HSD17B2: variants seen among roughly 807,000 people sequenced by gnomAD.
The protein encoded by HSD17B2 is 17-beta-hydroxysteroid dehydrogenase type 2.
In HSD17B2, 32 loss-of-function variants were observed where a neutral mutation model predicts 26.9. The observed-to-expected ratio is 1.19, with a 90% CI of 0.90 to 1.60. The LOEUF is 1.60. Ranked by LOEUF, HSD17B2 falls within the 40% of genes most tolerant of loss-of-function variation. The pLI is 0.00. For synonymous variants in HSD17B2, 246 were observed against 186.7 expected (o/e 1.32, Z -2.59); for missense variants, 613 against 468.6 (o/e 1.31, Z -2.85).
chr16:82,037,676 A>G (rs1289456226), intron 1 of HSD17B2, among the ~76,000 whole-genome samples: 1 of 152,258 alleles, frequency 6.6e-6, no homozygotes, highest in African/African-American at 2.4e-5. Flanking sequence ...ATCAAAAGCA[A>G]CAAAAAGGGT....
intron 3 of HSD17B2, among the ~76,000 whole-genome samples, chr16:82,074,319 G>T (rs1055007502): frequency 6.6e-6 from 1 of 152,148 alleles, no homozygotes; most frequent in African/African-American, 2.4e-5. Context: ...GAATCTTCAT[G>T]TCCTGGAGAA....
At chr16:82,095,608 C>T (rs190709830) in intron 4 of HSD17B2, 39 of 152,322 alleles carry the variant, frequency 2.6e-4, no homozygotes, top group African/African-American at 7.0e-4. Flanking sequence ...AAAGTAAAAA[C>T]GAATAGGTGG....
chr16:82,040,555 G>A (rs1351203414), intron 1 of HSD17B2, among the ~76,000 whole-genome samples: 1 of 152,188 alleles, frequency 6.6e-6, no homozygotes, highest in Admixed American at 6.5e-5. Context: ...TCCATAGTTG[G>A]TATTAGACCA....
At chr16:82,096,923 G>A (rs1244584581) in intron 4 of HSD17B2, 1 of 151,778 alleles carries the variant, frequency 6.6e-6, no homozygotes, top group East Asian at 1.9e-4. Context: ...CAGCCAAGAT[G>A]AATCTGTCCT....
chr16:82,071,124 G>T lies in HSD17B2; in HGVS notation c.661G>T (p.Gly221Ter), dbSNP rs1567587447. 6.2e-7 allele frequency: 1 copy of T among 1,614,110 alleles called. No homozygotes were observed. The highest frequency in any genetic ancestry group is 8.5e-7 in the Non-Finnish European group (1 of 1,179,966). ...GAGGCTGGTGAATGTCAGCAGCATG[G>T]GAGGTGAGTCAGCATTTTCACACAT... ...KGRLVNVSSM[G>*]GGAPMERLAS... is the part of the protein sequence containing the mutation. Residue 221 changes from glycine to a stop codon, truncating the protein, a stop_gained, in exon 3 of 5, where the codon GGA becomes TGA. Coordinates refer to ENST00000199936, the MANE Select transcript of HSD17B2 (RefSeq NM_002153.3). LOFTEE classifies it high-confidence loss of function.
chr16:82,080,818 G>A (rs1020699471), intron 3 of HSD17B2, among the ~76,000 whole-genome samples: 1 of 152,128 alleles, frequency 6.6e-6, no homozygotes, highest in Non-Finnish European at 1.5e-5. Flanking sequence ...TTGAAGGAAC[G>A]CTTAGCACTT....
At chr16:82,046,056 G>A (rs181934830) in intron 1 of HSD17B2, among the ~76,000 whole-genome samples, 191 of 152,338 alleles carry the variant, frequency 1.3e-3, no homozygotes, top group Non-Finnish European at 2.2e-3. Flanking sequence ...GGTGGGGAGC[G>A]AAGGGTGCTG....
At chr16:82,071,287 TTTCTC>T (rs751491299) in intron 3 of HSD17B2, 160 bp downstream of exon 3, 1 of 704,142 alleles carries the variant, frequency 1.4e-6, no homozygotes, top group Non-Finnish European at 2.6e-6. Flanking sequence ...CAATAAAACC[TTTCTC>T]TTCTTTCAAA....
chr16:82,065,790 G>A (rs193108234), intron 1 of HSD17B2, among the ~76,000 whole-genome samples: 1 of 152,218 alleles, frequency 6.6e-6, no homozygotes, highest in Non-Finnish European at 1.5e-5. Context: ...CTTGGATTTA[G>A]GATCCAATAG....
intron 2 of HSD17B2, among the ~76,000 whole-genome samples, chr16:82,069,723 T>C (rs8191156): frequency 0.12 from 18,714 of 152,198 alleles, 3,832 homozygotes; most frequent in African/African-American, 0.42. Flanking sequence ...GAAAATTACC[T>C]ATGCTGGGGT....
Position 82,035,376 on chromosome 16 carries a change from G to A in HSD17B2, c.-49G>A, listed in dbSNP as rs373474891. On this transcript the variant is annotated 5_prime_UTR_variant, in exon 1 of 5. Coordinates refer to ENST00000199936, the MANE Select transcript of HSD17B2 (RefSeq NM_002153.3). ...GGCTGCCTCCAGCCAGCCTTTGCCC[G>A]CTAGACTCACTGGCCCTGAGCACTT... 91 of 1,570,494 alleles carry A rather than the reference G, an allele frequency of 5.8e-5. 1 individual carries two copies. Among genetic ancestry groups the A allele is most frequent in the African/African-American group, 9.4e-5 (7 of 74,076 alleles).
At chr16:82,078,783 T>C (rs1176017657) in intron 3 of HSD17B2, among the ~76,000 whole-genome samples, 1 of 152,184 alleles carries the variant, frequency 6.6e-6, no homozygotes, top group East Asian at 1.9e-4. Flanking sequence ...AAAGACAAAC[T>C]TCACATGTTC....
chr16:82,056,681 C>T (rs573237943), intron 1 of HSD17B2, among the ~76,000 whole-genome samples: 1 of 152,264 alleles, frequency 6.6e-6, no homozygotes, highest in African/African-American at 2.4e-5. Flanking sequence ...AGATTGGTAA[C>T]CTCAAAAATG....
At chr16:82,078,392 C>G (rs1034115137) in intron 3 of HSD17B2, among the ~76,000 whole-genome samples, 4 of 152,112 alleles carry the variant, frequency 2.6e-5, no homozygotes, top group African/African-American at 9.7e-5. Context: ...ATAACAAATC[C>G]TGGTAAGGAT....
intron 1 of HSD17B2, among the ~76,000 whole-genome samples, chr16:82,058,476 T>C (rs1405059595): frequency 6.6e-6 from 1 of 152,232 alleles, no homozygotes; most frequent in Non-Finnish European, 1.5e-5. Flanking sequence ...AAATAAAATC[T>C]GTTTTTTTAA....
intron 4 of HSD17B2, chr16:82,096,119 T>G (rs1904831439): frequency 6.6e-6 from 1 of 152,206 alleles, no homozygotes; most frequent in South Asian, 2.1e-4. Flanking sequence ...GTTTGTGTAT[T>G]AAAATTTATG....
intron 3 of HSD17B2, among the ~76,000 whole-genome samples, chr16:82,075,106 G>T (rs1377201549): frequency 6.6e-6 from 1 of 151,996 alleles, no homozygotes; most frequent in Non-Finnish European, 1.5e-5. Context: ...TGACCAGTAG[G>T]TCAATGAAAA....
chr16:82,071,908 G>A (rs1014292893), intron 3 of HSD17B2: 9 of 152,290 alleles, frequency 5.9e-5, no homozygotes, highest in African/African-American at 1.9e-4. Context: ...TTCAAATAGA[G>A]GAGTACCACT....
At chr16:82,090,312 T>TTTG (rs1904650618) in intron 3 of HSD17B2, 12 of 282,662 alleles carry the variant, frequency 4.2e-5, no homozygotes, top group African/African-American at 3.5e-4. Flanking sequence ...GTTTTTTTTT[T>TTTG]TTTTTTTTTT....
Sources: allele counts gnomAD v4.1 joint callset (sites outside exome capture counted in the v4.1 genomes callset), GRCh38; gene constraint gnomAD v4.1.1; transcripts MANE v1.5; gene names NCBI Gene and HGNC (gene_info 2026-07-23, HGNC 2026-07-21).